Variants in MCPH1 observed in about 807,000 individuals in gnomAD.
The protein encoded by MCPH1 is microcephalin.
In MCPH1, 104 loss-of-function variants were observed where a neutral mutation model predicts 84.5. That is an observed-to-expected ratio of 1.23 (90% CI 1.05 to 1.45). MCPH1 has a LOEUF of 1.45. Ranked by LOEUF, MCPH1 falls within the 40% of genes most tolerant of loss-of-function variation. MCPH1 has a pLI of 0.00. For synonymous variants in MCPH1, 514 were observed against 366.8 expected, an observed-to-expected ratio of 1.40 and a Z score of -4.58; for missense variants, 1,498 against 1,005.7, an observed-to-expected ratio of 1.49 and a Z score of -6.62.
At chr8:6,415,669 A>G (rs1033545395) in intron 3 of MCPH1, among the ~76,000 whole-genome samples, 2 of 152,110 alleles carry the variant, frequency 1.3e-5, no homozygotes, top group Non-Finnish European at 2.9e-5. Flanking sequence ...AGTTTTGATT[A>G]CAGTAAATTT....
chr8:6,446,225 A>G, intron 8 of MCPH1: 2 of 936,768 alleles, frequency 2.1e-6, no homozygotes, highest in Non-Finnish European at 2.5e-6. Context: ...AAAACAATAA[A>G]AAATTTTGCA....
At chr8:6,483,577 G>A (rs116782458) in intron 11 of MCPH1, among the ~76,000 whole-genome samples, 29 of 152,328 alleles carry the variant, frequency 1.9e-4, no homozygotes, top group African/African-American at 7.0e-4. Context: ...TGAACAAGTG[G>A]TGCTGGAGCA....
At chr8:6,501,610 A>C (rs1263222227) in intron 12 of MCPH1, 1 of 136,098 alleles carries the variant, frequency 7.3e-6, no homozygotes, top group Non-Finnish European at 1.5e-5. Context: ...GCTGGAGTGC[A>C]GTGGTGCGAT....
chr8:6,511,844 C>T (rs1182462481), intron 12 of MCPH1, among the ~76,000 whole-genome samples: 1 of 151,600 alleles, frequency 6.6e-6, no homozygotes, highest in Non-Finnish European at 1.5e-5. Flanking sequence ...AGGGTAATGA[C>T]CCATTTTGTA....
chr8:6,408,851 C>G (rs563648255), intron 1 of MCPH1, among the ~76,000 whole-genome samples: 2 of 151,846 alleles, frequency 1.3e-5, no homozygotes, highest in Non-Finnish European at 2.9e-5. Context: ...CATGAGCCAC[C>G]ACACCTGGCC....
intron 9 of MCPH1, among the ~76,000 whole-genome samples, chr8:6,475,409 C>T (rs1808317296): frequency 6.6e-6 from 1 of 152,208 alleles, no homozygotes; most frequent in African/African-American, 2.4e-5. Flanking sequence ...TCTTTTCTGA[C>T]CCCTCTCCAG....
At chr8:6,632,895 A>C (rs771841978) in intron 13 of MCPH1, among the ~76,000 whole-genome samples, 3 of 152,216 alleles carry the variant, frequency 2.0e-5, no homozygotes, top group Non-Finnish European at 4.4e-5. Flanking sequence ...ACACACACAT[A>C]ACCAAGTGTG....
chr8:6,576,303 TG>T (rs1827091104), intron 12 of MCPH1, among the ~76,000 whole-genome samples: 2 of 152,182 alleles, frequency 1.3e-5, no homozygotes, highest in South Asian at 4.1e-4. Flanking sequence ...ATGAAGAGCC[TG>T]TTTCTCTGCA....
chr8:6,505,350 TCTTTC>T lies in MCPH1; in HGVS notation c.2214+5422_2214+5426del, dbSNP rs1563306408. Among the ~76,000 whole-genome samples the T allele has an allele frequency of 1.4e-3, 77 of 53,838 alleles. 3 individuals are homozygous for T. Among genetic ancestry groups the T allele is most frequent in the Admixed American group, 9.5e-3 (46 of 4,834 alleles). 35.3% of individuals were successfully genotyped at this position (53,838 alleles called of 152,430 possible). Reference sequence around the variant, plus strand: ...ATACATATAGAAAGAATATATATATTCTTTCTATATGTATATAGAATATATATATT... The same window carrying T: ...ATACATATAGAAAGAATATATATATTTATATGTATATAGAATATATATATT... On this transcript the variant is annotated intron_variant, in intron 12 of 13. Transcript: ENST00000344683.
chr8:6,515,429 G>C (rs1353925326), intron 12 of MCPH1, among the ~76,000 whole-genome samples: 1 of 152,160 alleles, frequency 6.6e-6, no homozygotes, highest in Non-Finnish European at 1.5e-5. Flanking sequence ...TTGGCCTCAA[G>C]GGCATGACTT....
At chr8:6,543,943 A>T (rs1445502393) in intron 12 of MCPH1, among the ~76,000 whole-genome samples, 1 of 152,232 alleles carries the variant, frequency 6.6e-6, no homozygotes, top group Non-Finnish European at 1.5e-5. Context: ...TAACGGGGCT[A>T]TGTTTTGCAC....
intron 12 of MCPH1, among the ~76,000 whole-genome samples, chr8:6,548,345 G>A (rs775557029): frequency 6.6e-6 from 1 of 152,154 alleles, no homozygotes; most frequent in Non-Finnish European, 1.5e-5. Context: ...CCACTTAGAT[G>A]CCTTTCATGG....
chr8:6,438,771 G>C (rs1337399072), intron 5 of MCPH1, among the ~76,000 whole-genome samples, 182 bp from the exon 6 acceptor site: 1 of 152,166 alleles, frequency 6.6e-6, no homozygotes, highest in East Asian at 1.9e-4. Context: ...TGAGCCAGCA[G>C]CTGTAGCAGC....
At chr8:6,577,722 C>T (rs142820677) in intron 12 of MCPH1, among the ~76,000 whole-genome samples, 40 of 152,288 alleles carry the variant, frequency 2.6e-4, no homozygotes, top group Non-Finnish European at 1.0e-4. Context: ...TTATTCTAAT[C>T]CTATTTTCAC....
At chr8:6,553,487 A>G (rs1824036500) in intron 12 of MCPH1, among the ~76,000 whole-genome samples, 1 of 152,112 alleles carries the variant, frequency 6.6e-6, no homozygotes, top group Non-Finnish European at 1.5e-5. Flanking sequence ...TCACACGTCA[A>G]CATTTTTTTA....
At position 6,499,894 on chromosome 8, in the gene MCPH1, CCGTT is replaced by C; in HGVS notation, c.2182_2185del (p.Phe728AsnfsTer50). 6.2e-7 allele frequency: 1 copy of C among 1,613,556 alleles called. No homozygotes were observed. Among genetic ancestry groups the C allele is most frequent in the East Asian group, 2.2e-5 (1 of 44,866 alleles). ...ATTGGGTCACTGGATTTCTGAGGAG[CCGTT>C]CGAACTGTCTCACCACTTCCCTGCA... On this transcript the variant is annotated frameshift_variant, in exon 12 of 14. Transcript: ENST00000344683. LOFTEE classifies it high-confidence loss of function.
rs1423632292 is a variant in MCPH1, at chr8:6,627,075, GA to G, written c.2452+5389del. ...ACATGTCCCATGTCGATGTTTTCAGGAAAAAGATCCGATAGCATGCAGGCCT... is the reference window on the plus strand; with the variant it reads ...ACATGTCCCATGTCGATGTTTTCAGGAAAAGATCCGATAGCATGCAGGCCT... On this transcript the variant is annotated intron_variant, in intron 13 of 13. Transcript: ENST00000344683. 4.1e-6 allele frequency: 4 copies of G among 985,120 alleles called. No individual in the cohort carries two copies. In the African/African-American group the frequency reaches 7.0e-5, roughly 17 times the overall value. The allele number at this position is 985,120 out of a possible 1,614,324, so 61.0% of individuals were successfully genotyped here.
intron 12 of MCPH1, among the ~76,000 whole-genome samples, chr8:6,512,009 A>C (rs913163149): frequency 6.6e-6 from 1 of 151,462 alleles, no homozygotes; most frequent in African/African-American, 2.4e-5. Context: ...CTCAAAATTC[A>C]TTGAAGTTTT....
At chr8:6,538,451 G>A (rs553235520) in intron 12 of MCPH1, among the ~76,000 whole-genome samples, 1 of 152,250 alleles carries the variant, frequency 6.6e-6, no homozygotes, top group South Asian at 2.1e-4. Context: ...TCCCTTGCAG[G>A]TTTGCCTGAG....
Sources: allele counts gnomAD v4.1 joint callset (sites outside exome capture counted in the v4.1 genomes callset), GRCh38; gene constraint gnomAD v4.1.1; transcripts MANE v1.5; gene names NCBI Gene and HGNC (gene_info 2026-07-23, HGNC 2026-07-21).